The following C1QTNF5 variants were observed in gnomAD, a reference collection of about 807,000 sequenced individuals.
C1QTNF5 encodes the protein C1q and TNF related 5, also known as complement C1q tumor necrosis factor-related protein 5.
Under a neutral mutation model 10.9 loss-of-function variants are expected in C1QTNF5, and 5 were observed. That is an observed-to-expected ratio of 0.46 (90% CI 0.24 to 0.97). The LOEUF (loss-of-function observed/expected upper bound fraction) is 0.97, where lower values mean the gene tolerates loss of function less well. C1QTNF5 is among the 50% of genes least tolerant of loss of function. C1QTNF5 has a pLI of 0.19. For missense variants in C1QTNF5, 281 were observed against 339.4 expected (o/e 0.83, Z 1.35); for synonymous variants, 161 against 156.5 (o/e 1.03, Z -0.22).
intron 2 of C1QTNF5, 149 bp downstream of exon 2, chr11:119,340,035 G>A: frequency 1.6e-6 from 2 of 1,248,084 alleles, no homozygotes; most frequent in Non-Finnish European, 2.1e-6. Flanking sequence ...GGGGGCTCCC[G>A]CCGCCTGGGC....
upstream of C1QTNF5, chr11:119,342,454 A>G (rs1950511476): frequency 1.9e-6 from 2 of 1,036,684 alleles, no homozygotes; most frequent in Non-Finnish European, 2.8e-6. Flanking sequence ...GACTCTGTGA[A>G]GTGGTCCCAG....
upstream of C1QTNF5, chr11:119,345,567 G>A (rs369566448): frequency 2.0e-5 from 33 of 1,613,930 alleles, no homozygotes; most frequent in African/African-American, 2.7e-5. Flanking sequence ...GGTGTTGGGG[G>A]GGTAAGGGTC....
At chr11:119,343,023 G>A (rs747809803), upstream of C1QTNF5, 8 of 1,588,420 alleles carry the variant, frequency 5.0e-6, no homozygotes, top group African/African-American at 2.7e-5. Context: ...GCAGACAGCT[G>A]TTCTGGGCAC....
At chr11:119,344,625 C>T (rs1463249613), upstream of C1QTNF5, 13 of 1,613,898 alleles carry the variant, frequency 8.1e-6, no homozygotes, top group South Asian at 1.1e-5. Flanking sequence ...CCATGCCTGG[C>T]CCGTACCCGA....
chr11:119,342,539 G>C (rs988161323), upstream of C1QTNF5: 38 of 1,604,082 alleles, frequency 2.4e-5, no homozygotes, highest in Non-Finnish European at 3.1e-5. Context: ...TACGGCAGTA[G>C]GGTTCTGTGA....
chr11:119,339,644 G>A lies in C1QTNF5; in HGVS notation c.419C>T (p.Thr140Ile). 6.2e-7 allele frequency: 1 copy of A among 1,612,684 alleles called. No homozygotes were observed. Among genetic ancestry groups the A allele is most frequent in the Non-Finnish European group, 8.5e-7 (1 of 1,180,040 alleles). ...VNEQGHYDAV[T>I]GKFTCQVPGV... Reference sequence around the variant, plus strand: ...AGGCACCTGGCAGGTGAACTTGCCGGTGACGGCGTCGTAATGTCCCTGCTC... The same window carrying A: ...AGGCACCTGGCAGGTGAACTTGCCGATGACGGCGTCGTAATGTCCCTGCTC... Residue 140 changes from threonine to isoleucine, a missense_variant, in exon 3 of 3, where the codon ACC becomes ATC. Coordinates refer to ENST00000528368, the MANE Select transcript of C1QTNF5 (RefSeq NM_001278431.2). The surrounding 1 kb of genome is among the most constrained non-coding windows in gnomAD (Gnocchi z 5.4).
At chr11:119,340,493 T>G in intron 1 of C1QTNF5, 53 bp from the exon 2 acceptor site, 1 of 1,330,954 alleles carries the variant, frequency 7.5e-7, no homozygotes, top group Middle Eastern at 2.5e-4. Flanking sequence ...GACCTGCCTC[T>G]CTCCCCACCC....
At chr11:119,345,819 G>A (rs376089140), upstream of C1QTNF5, 8 of 1,613,774 alleles carry the variant, frequency 5.0e-6, no homozygotes, top group East Asian at 6.7e-5. Context: ...GCCCTTTAGG[G>A]GTCCCAGCTG....
chr11:119,343,957 G>A (rs1296641221), upstream of C1QTNF5: 1 of 1,612,774 alleles, frequency 6.2e-7, no homozygotes, highest in Non-Finnish European at 8.5e-7. Context: ...GATATGCCAG[G>A]TGCAGAGCTG....
chr11:119,340,500 AC>A (rs1950491937), intron 1 of C1QTNF5, 60 bp from the exon 2 acceptor site: 1 of 1,295,376 alleles, frequency 7.7e-7, no homozygotes, highest in African/African-American at 1.5e-5. Context: ...CTCTCTCCCC[AC>A]CCCGGCGCGG....
rs1950474398 is a variant in C1QTNF5, at chr11:119,339,512, C to T, written c.551G>A (p.Gly184Glu). The T allele has an allele frequency of 1.2e-6, 2 of 1,613,846 alleles. No homozygotes were observed. Among genetic ancestry groups the T allele is most frequent in the East Asian group, 4.5e-5 (2 of 44,868 alleles). ...CGAGAGCGAGGCTGGCTTGGGCCAC[C>T]CCCCGAAAAACTGGAAGAAAGAGGC... ...SIASFFQFFG[G>E]WPKPASLSGG... The change falls in exon 3 of 3, where the codon GGG (glycine) becomes GAG (glutamate). Residue 184 changes from glycine (G) to glutamate (E), a missense_variant. Coordinates refer to ENST00000528368, the MANE Select transcript of C1QTNF5 (RefSeq NM_001278431.2). This position sits in a 1 kb window ranked among gnomAD's most constrained non-coding sequence, Gnocchi z 5.4.
At chr11:119,345,265 T>A (rs370697811), upstream of C1QTNF5, among the ~76,000 whole-genome samples, 1 of 152,220 alleles carries the variant, frequency 6.6e-6, no homozygotes, top group African/African-American at 2.4e-5. Context: ...GTGATCTTCC[T>A]CACGGCACAC....
At chr11:119,343,702 G>C, upstream of C1QTNF5, 1 of 1,340,998 alleles carries the variant, frequency 7.5e-7, no homozygotes, top group Non-Finnish European at 1.1e-6. Context: ...CCCCCGGCCT[G>C]GAGTAGCAGA....
At chr11:119,346,014 G>A in the C1QTNF5 span, 2 of 1,612,834 alleles carry the variant, frequency 1.2e-6, no homozygotes, top group Non-Finnish European at 1.7e-6. Flanking sequence ...TCATTCCAAA[G>A]CCCTCGTTTC....
upstream of C1QTNF5, chr11:119,345,006 T>C (rs376898612): frequency 2.2e-4 from 349 of 1,603,336 alleles, no homozygotes; most frequent in Non-Finnish European, 2.9e-4. Flanking sequence ...CCACAAACCC[T>C]GCAAGAAGCC....
At chr11:119,344,364 T>C, upstream of C1QTNF5, 2 of 1,613,972 alleles carry the variant, frequency 1.2e-6, no homozygotes, top group Non-Finnish European at 1.7e-6. Flanking sequence ...GAAAGTGCCC[T>C]GGAGGCCAGT....
intron 1 of C1QTNF5, 126 bp downstream of exon 1, chr11:119,340,569 G>C (rs1950492739): frequency 1.5e-6 from 1 of 676,594 alleles, no homozygotes; most frequent in Admixed American, 2.8e-5. Context: ...GCAGGGCCGA[G>C]CATCCGGAGA....
chr11:119,342,681 C>T, upstream of C1QTNF5: 1 of 1,613,748 alleles, frequency 6.2e-7, no homozygotes, highest in Non-Finnish European at 8.5e-7. Flanking sequence ...ACTGCACACC[C>T]TTACACCCTC....
At chr11:119,341,465 T>C (rs1467691167), upstream of C1QTNF5, 3 of 1,202,426 alleles carry the variant, frequency 2.5e-6, no homozygotes, top group Admixed American at 5.5e-5. Flanking sequence ...ACCCTGCTGA[T>C]GCTCCTTCCT....
Sources: gnomAD v4.1 joint callset for allele counts (sites outside exome capture counted in the v4.1 genomes callset) on GRCh38, gnomAD v4.1.1 for gene constraint, Gnocchi (gnomAD v3.1) non-coding constraint, MANE v1.5 for transcripts, NCBI Gene and HGNC (gene_info 2026-07-23, HGNC 2026-07-21) for gene names.